Variants in NXPE2 observed in about 807,000 individuals in gnomAD.
NXPE2 encodes the protein neurexophilin and PC-esterase domain family member 2, also known as NXPE family member 2.
Under a neutral mutation model 34.4 loss-of-function variants are expected in NXPE2, and 34 were observed. That is an observed-to-expected ratio of 0.99 (90% CI 0.75 to 1.31). NXPE2 has a LOEUF of 1.31. NXPE2 is among the 40% of genes most tolerant of loss of function. The pLI is 0.00. For synonymous variants in NXPE2, 235 were observed against 231.3 expected, an observed-to-expected ratio of 1.02 and a Z score of -0.15; for missense variants, 649 against 672.5, an observed-to-expected ratio of 0.97 and a Z score of 0.39.
At chr11:114,599,925 A>G in the NXPE2 span, among the ~76,000 whole-genome samples, 11 of 152,060 alleles carry the variant, frequency 7.2e-5, no homozygotes, top group African/African-American at 2.7e-4. Flanking sequence ...CCATGGAATT[A>G]AAAAAAATCT....
chr11:114,808,217 A>G, the NXPE2 span, among the ~76,000 whole-genome samples: 2 of 152,244 alleles, frequency 1.3e-5, no homozygotes, highest in Non-Finnish European at 2.9e-5. Flanking sequence ...AATTTGTAGC[A>G]CTAAATGCCC....
chr11:114,565,472 C>T, the NXPE2 span, among the ~76,000 whole-genome samples: 8 of 152,164 alleles, frequency 5.3e-5, no homozygotes, highest in East Asian at 1.2e-3. Context: ...TGAACAAATA[C>T]GTGGTCCTTA....
chr11:114,582,152 A>G, the NXPE2 span: 3 of 910,372 alleles, frequency 3.3e-6, no homozygotes, highest in Non-Finnish European at 4.9e-6. Flanking sequence ...CTCTAAATGA[A>G]TTCACAGATC....
chr11:114,568,696 C>T, the NXPE2 span, among the ~76,000 whole-genome samples: 1 of 152,128 alleles, frequency 6.6e-6, no homozygotes, highest in Non-Finnish European at 1.5e-5. Flanking sequence ...TCACGGCTGC[C>T]TCCTTTTTAT....
the NXPE2 span, among the ~76,000 whole-genome samples, chr11:114,547,367 A>G: frequency 1.1e-4 from 16 of 152,238 alleles, no homozygotes; most frequent in Non-Finnish European, 2.1e-4. Flanking sequence ...ACAGTTTACA[A>G]AATACCAGAC....
chr11:114,470,411 C>T, the NXPE2 span, among the ~76,000 whole-genome samples: 1 of 152,080 alleles, frequency 6.6e-6, no homozygotes, highest in Non-Finnish European at 1.5e-5. Flanking sequence ...AGTGGTGTCT[C>T]ATTGTAGTTT....
the NXPE2 span, among the ~76,000 whole-genome samples, chr11:114,511,828 C>G: frequency 6.6e-6 from 1 of 152,124 alleles, no homozygotes; most frequent in Non-Finnish European, 1.5e-5. Flanking sequence ...CTCTCCTGCT[C>G]TCTCTCCTGC....
chr11:114,626,271 T>G, the NXPE2 span, among the ~76,000 whole-genome samples: 1 of 152,176 alleles, frequency 6.6e-6, no homozygotes, highest in Admixed American at 6.5e-5. Flanking sequence ...GACTTAAATG[T>G]CCCAGTCTGA....
chr11:114,701,243 T>C (rs1453160560), intron 3 of NXPE2, among the ~76,000 whole-genome samples: 2 of 152,194 alleles, frequency 1.3e-5, no homozygotes, highest in East Asian at 1.9e-4. Context: ...TAAGATTCTA[T>C]ACTCTATATG....
the NXPE2 span, among the ~76,000 whole-genome samples, chr11:114,725,976 A>AAAATATATATATATATATATATAT: frequency 4.8e-4 from 49 of 101,708 alleles, 1 homozygote; most frequent in East Asian, 1.5e-3. Context: ...ATAAAAAAAA[A>AAAATATATATATATATATATATAT]ATATATATAT....
At chr11:114,693,626 G>C (rs1372719842) in intron 2 of NXPE2, among the ~76,000 whole-genome samples, 2 of 152,112 alleles carry the variant, frequency 1.3e-5, no homozygotes, top group Admixed American at 1.3e-4. Context: ...TCAAATGCTT[G>C]TTTTAAAAAT....
chr11:114,786,817 A>AC, the NXPE2 span, among the ~76,000 whole-genome samples: 330 of 131,258 alleles, frequency 2.5e-3, 1 homozygote, highest in Non-Finnish European at 4.5e-3. Context: ...TGTTGGGAAG[A>AC]GCCCCCCCAT....
chr11:114,678,696 A>G (rs1388860561), intron 1 of NXPE2, 95 bp downstream of exon 1: 1 of 905,076 alleles, frequency 1.1e-6, no homozygotes, highest in South Asian at 1.5e-5. Flanking sequence ...GTGTGATGCA[A>G]CCCTTTAGAG....
At chr11:114,470,128 C>G in the NXPE2 span, among the ~76,000 whole-genome samples, 1 of 151,884 alleles carries the variant, frequency 6.6e-6, no homozygotes, top group African/African-American at 2.4e-5. Flanking sequence ...CTATTTTTGG[C>G]TATTATAAAT....
the NXPE2 span, among the ~76,000 whole-genome samples, chr11:114,771,880 G>A: frequency 5.9e-5 from 9 of 152,222 alleles, no homozygotes; most frequent in Admixed American, 2.0e-4. Flanking sequence ...CTGGTCATTA[G>A]ATCTAATTAA....
chr11:114,487,896 T>A, the NXPE2 span, among the ~76,000 whole-genome samples: 291 of 152,312 alleles, frequency 1.9e-3, no homozygotes, highest in African/African-American at 6.8e-3. Flanking sequence ...TGTTGTTGAA[T>A]TCAGTTTGCT....
chr11:114,582,495 A>G, the NXPE2 span: 1 of 1,614,100 alleles, frequency 6.2e-7, no homozygotes, highest in Non-Finnish European at 8.5e-7. Context: ...GCCATTGACA[A>G]ACTGGCCAGT....
At chr11:114,747,210 T>A in the NXPE2 span, among the ~76,000 whole-genome samples, 4 of 152,202 alleles carry the variant, frequency 2.6e-5, no homozygotes, top group African/African-American at 9.6e-5. Context: ...AAGGGGTTTT[T>A]AAATCTGCTT....
At chr11:114,632,055 T>C in the NXPE2 span, among the ~76,000 whole-genome samples, 2 of 142,110 alleles carry the variant, frequency 1.4e-5, no homozygotes, top group East Asian at 3.9e-4. Context: ...AATTTAATAA[T>C]ATGTAAGAAT....
Sources: allele counts gnomAD v4.1 joint callset (sites outside exome capture counted in the v4.1 genomes callset), GRCh38; gene constraint gnomAD v4.1.1; transcripts MANE v1.5; gene names NCBI Gene and HGNC (gene_info 2026-07-23, HGNC 2026-07-21).